The following SLC25A48 variants were observed in gnomAD, a reference collection of about 807,000 sequenced individuals.
The protein encoded by SLC25A48 is solute carrier family 25 member 48.
In SLC25A48, 29 loss-of-function variants were observed where a neutral mutation model predicts 32.2. The observed-to-expected ratio is 0.90, with a 90% CI of 0.67 to 1.23. The LOEUF (loss-of-function observed/expected upper bound fraction) is 1.23. Ranked by LOEUF, SLC25A48 falls within the 50% of genes most tolerant of loss-of-function variation. The pLI, the probability that SLC25A48 is intolerant of heterozygous loss-of-function variation, is 0.00. For synonymous variants in SLC25A48, 164 were observed against 172.3 expected, an observed-to-expected ratio of 0.95 and a Z score of 0.38; for missense variants, 399 against 422.7, an observed-to-expected ratio of 0.94 and a Z score of 0.49.
At chr5:135,688,992 A>G (rs1371226695) in intron 3 of SLC25A48, among the ~76,000 whole-genome samples, 3 of 152,172 alleles carry the variant, frequency 2.0e-5, no homozygotes, top group Non-Finnish European at 2.9e-5. Context: ...AGACAATATT[A>G]TTATTTCTGC....
At chr5:135,616,296 T>C (rs1436164365) in intron 1 of SLC25A48, among the ~76,000 whole-genome samples, 1 of 152,108 alleles carries the variant, frequency 6.6e-6, no homozygotes, top group African/African-American at 2.4e-5. Flanking sequence ...ACCGTGCACC[T>C]GGAAAAGCTG....
intron 3 of SLC25A48, among the ~76,000 whole-genome samples, chr5:135,804,214 A>C (rs947043666): frequency 6.6e-6 from 1 of 151,664 alleles, no homozygotes; most frequent in Non-Finnish European, 1.5e-5. Flanking sequence ...GATATTATGA[A>C]TAATGTCACG....
chr5:135,841,574 G>A (rs1228757940), intron 1 of SLC25A48, among the ~76,000 whole-genome samples: 1 of 152,126 alleles, frequency 6.6e-6, no homozygotes, highest in Admixed American at 6.6e-5. Flanking sequence ...GAGTGAAGTT[G>A]GGAGAAGTGG....
Position 135,780,688 on chromosome 5 carries a change from G to A in SLC25A48, c.-520-31835G>A, listed in dbSNP as rs1174578253. On this transcript the variant is annotated intron_variant, in intron 3 of 10. Transcript: ENST00000646290. ...TGTCATAAAGGGTATATATTCACTC[G>A]GTGTTATTTTTCCTTATATCCAGGG... 1.7e-5 allele frequency among the ~76,000 whole-genome samples: 2 copies of A among 116,338 alleles called. 1 individual carries two copies. Among genetic ancestry groups the A allele is most frequent in the Non-Finnish European group, 4.2e-5 (2 of 47,198 alleles). 76.3% of individuals were successfully genotyped at this position (116,338 alleles called of 152,430 possible).
At chr5:135,611,942 C>A (rs1042102036) in intron 1 of SLC25A48, among the ~76,000 whole-genome samples, 1 of 152,166 alleles carries the variant, frequency 6.6e-6, no homozygotes, top group Non-Finnish European at 1.5e-5. Flanking sequence ...TATGTAGTTG[C>A]CTTCCAAGAA....
rs145666108 is a variant in SLC25A48 at position 135,591,888 on chromosome 5, T to C, written c.-849+12291T>C. On this transcript the variant is annotated intron_variant, in intron 1 of 10. Coordinates refer to the SLC25A48 transcript ENST00000646290. ...CCTGCTTCCTGGGATTTCTCCCAAATAGATCACTCAGGCTCTGTGAGCGGA... is the reference window on the plus strand; with the variant it reads ...CCTGCTTCCTGGGATTTCTCCCAAACAGATCACTCAGGCTCTGTGAGCGGA... Among the ~76,000 whole-genome samples the C allele has an allele frequency of 4.7e-3, 713 of 152,324 alleles. 3 individuals carry two copies. The highest frequency in any genetic ancestry group is 7.8e-3 in the Non-Finnish European group (531 of 68,020).
At chr5:135,626,859 C>T (rs1257091564) in intron 1 of SLC25A48, among the ~76,000 whole-genome samples, 1 of 152,126 alleles carries the variant, frequency 6.6e-6, no homozygotes, top group Non-Finnish European at 1.5e-5. Context: ...CCCTCAGTCC[C>T]AGATTGTCCA....
chr5:135,614,566 C>T (rs1752144497), intron 1 of SLC25A48, among the ~76,000 whole-genome samples: 1 of 152,190 alleles, frequency 6.6e-6, no homozygotes, highest in South Asian at 2.1e-4. Flanking sequence ...CCTTCAAATG[C>T]TTAATTTGTT....
chr5:135,761,204 T>C (rs546396550), intron 3 of SLC25A48, among the ~76,000 whole-genome samples: 1 of 152,212 alleles, frequency 6.6e-6, no homozygotes, highest in South Asian at 2.1e-4. Flanking sequence ...TCCCAGATAT[T>C]CAGGAGGCTG....
In SLC25A48 at chr5:135,834,767, C is replaced by G; in HGVS notation, c.-81C>G. The stretch of plus-strand genomic sequence containing the variant: ...AGACTCCGACTTCGGTCTTGCGGCG[C>G]GCTCGCGCCCGCGGGCCATGCCCCA... On this transcript the variant is annotated 5_prime_UTR_variant, in exon 1 of 8. Transcript: ENST00000681962. The G allele has an allele frequency of 7.0e-7, 1 of 1,434,614 alleles. No homozygotes were observed. Among genetic ancestry groups the G allele is most frequent in the South Asian group, 1.4e-5 (1 of 70,692 alleles). The allele number at this position is 1,434,614 out of a possible 1,614,324, so 88.9% of individuals were successfully genotyped here.
At chr5:135,777,401 T>C (rs1756592777) in intron 3 of SLC25A48, among the ~76,000 whole-genome samples, 1 of 151,440 alleles carries the variant, frequency 6.6e-6, no homozygotes, top group Non-Finnish European at 1.5e-5. Flanking sequence ...TGTGATTTTT[T>C]ATTATATCCA....
chr5:135,834,681 G>T lies in SLC25A48; in HGVS notation c.-167G>T, dbSNP rs1476243584. 7.0e-5 allele frequency: 50 copies of T among 712,796 alleles called. No individual in the cohort carries two copies. The East Asian group carries it at 1.2e-3, about 18-fold the overall frequency. The allele number at this position is 712,796 out of a possible 1,614,324, so 44.2% of individuals were successfully genotyped here. On this transcript the variant is annotated 5_prime_UTR_variant, in exon 1 of 8. Coordinates refer to ENST00000681962, the MANE Select transcript of SLC25A48 (RefSeq NM_001349336.2). ...CTCCGGCACTTGGAGAGGTGAGCGC[G>T]GCAGCCCGCGCAGCCGGTGACTGGG...
At chr5:135,702,500 G>A (rs1287730028) in intron 3 of SLC25A48, among the ~76,000 whole-genome samples, 1 of 152,226 alleles carries the variant, frequency 6.6e-6, no homozygotes, top group Non-Finnish European at 1.5e-5. Flanking sequence ...CGTGAACACG[G>A]CCCTGCCAAT....
intron 6 of SLC25A48, among the ~76,000 whole-genome samples, chr5:135,876,713 T>C (rs1762088631): frequency 6.6e-6 from 1 of 152,236 alleles, no homozygotes; most frequent in African/African-American, 2.4e-5. Flanking sequence ...TACATATCTA[T>C]GTATGCTTGT....
At chr5:135,687,555 G>T (rs1286689789) in intron 3 of SLC25A48, among the ~76,000 whole-genome samples, 13 of 152,056 alleles carry the variant, frequency 8.5e-5, no homozygotes. Flanking sequence ...GTCAATTCAG[G>T]TCAAGTCTTT....
chr5:135,788,117 T>C (rs1047879163), intron 3 of SLC25A48, among the ~76,000 whole-genome samples: 1 of 151,704 alleles, frequency 6.6e-6, no homozygotes, highest in Non-Finnish European at 1.5e-5. Flanking sequence ...GCTCCCCATG[T>C]GGCGAGGGGT....
At chr5:135,619,992 G>C (rs1752285170) in intron 1 of SLC25A48, among the ~76,000 whole-genome samples, 1 of 152,216 alleles carries the variant, frequency 6.6e-6, no homozygotes. Context: ...TTGCTTGGGT[G>C]CCAGAAATGG....
chr5:135,588,002 C>G (rs1278016462), intron 1 of SLC25A48, among the ~76,000 whole-genome samples: 1 of 152,166 alleles, frequency 6.6e-6, no homozygotes, highest in Non-Finnish European at 1.5e-5. Context: ...CTGTGTAAGG[C>G]TAGATGTCCT....
upstream of SLC25A48, among the ~76,000 whole-genome samples, chr5:135,831,843 G>A (rs1262003959): frequency 6.6e-6 from 1 of 152,218 alleles, no homozygotes; most frequent in Admixed American, 6.5e-5. Flanking sequence ...GGGGCAGTAG[G>A]ACAGGGGCAG....
Sources: gnomAD v4.1 joint callset for allele counts (sites outside exome capture counted in the v4.1 genomes callset) on GRCh38, gnomAD v4.1.1 for gene constraint, MANE v1.5 for transcripts, NCBI Gene and HGNC (gene_info 2026-07-23, HGNC 2026-07-21) for gene names.